AMOT: variants seen among roughly 807,000 people sequenced by gnomAD.
AMOT encodes angiomotin.
Under a neutral mutation model 67.0 loss-of-function variants are expected in AMOT, and 11 were observed. That is an observed-to-expected ratio of 0.16 (90% CI 0.10 to 0.27). AMOT has a LOEUF of 0.27. AMOT is among the 10% of genes least tolerant of loss of function. AMOT has a pLI of 1.00. For missense variants in AMOT, 753 were observed against 852.0 expected (o/e 0.88, Z 1.45); for synonymous variants, 326 against 321.4 (o/e 1.01, Z -0.15).
chrX:112,783,032 T>C (rs1933247302), intron 10 of AMOT, among the ~76,000 whole-genome samples: 1 of 111,150 alleles, frequency 9.0e-6, no homozygotes, highest in South Asian at 3.8e-4. Flanking sequence ...TGGTGGCTCA[T>C]GCCTGTAATC....
chrX:112,792,460 G>T (rs1339544727), intron 8 of AMOT, among the ~76,000 whole-genome samples: 1 of 112,505 alleles, frequency 8.9e-6, no homozygotes, highest in Admixed American at 9.4e-5. Flanking sequence ...TTATGTAGCT[G>T]TCTCTTCTCC....
intron 12 of AMOT, 151 bp downstream of exon 12, chrX:112,780,735 T>G: frequency 1.9e-6 from 1 of 519,179 alleles, no homozygotes; most frequent in Middle Eastern, 3.4e-4. Context: ...AATGTGGAAC[T>G]AGGGTCTCAG....
At chrX:112,811,533 T>C (rs752895326) in intron 5 of AMOT, 140 bp from the exon 6 acceptor site, 2 of 598,366 alleles carry the variant, frequency 3.3e-6, no homozygotes, top group Admixed American at 7.0e-5. Flanking sequence ...CACAGTCAGA[T>C]GACACAAGTT....
intron 1 of AMOT, among the ~76,000 whole-genome samples, chrX:112,835,281 C>A (rs1369769743): frequency 1.8e-5 from 2 of 111,556 alleles, no homozygotes; most frequent in African/African-American, 6.5e-5. Context: ...CAGATCCTGG[C>A]TTCAAGTCAC....
intron 4 of AMOT, among the ~76,000 whole-genome samples, chrX:112,818,627 G>A (rs1468822675): frequency 4.5e-5 from 5 of 111,794 alleles, no homozygotes; most frequent in Admixed American, 9.4e-5. Context: ...AAAGCAGGAC[G>A]GAATGAACAC....
At chrX:112,811,631 T>A (rs1332518745) in intron 5 of AMOT, among the ~76,000 whole-genome samples, 2 of 111,792 alleles carry the variant, frequency 1.8e-5, no homozygotes, top group Non-Finnish European at 3.8e-5. Flanking sequence ...AATAGACAAT[T>A]TCTGCCTTCA....
At chrX:112,780,692 A>T in intron 12 of AMOT, 194 bp downstream of exon 12, 2 of 442,913 alleles carry the variant, frequency 4.5e-6, no homozygotes, top group Non-Finnish European at 7.8e-6. Flanking sequence ...CGGTATTCTC[A>T]CCGGGAGACT....
chrX:112,815,215 A>G, intron 5 of AMOT, 143 bp downstream of exon 5: 1 of 804,206 alleles, frequency 1.2e-6, no homozygotes, highest in East Asian at 3.2e-5. Flanking sequence ...AGTTTGACTC[A>G]TATCTAACCT....
chrX:112,822,771 A>G lies in AMOT; in HGVS notation c.356T>C (p.Phe119Ser), dbSNP rs1157763216. The G allele has an allele frequency of 3.4e-6, 4 of 1,164,860 alleles. No individual in the cohort carries two copies. The highest frequency in any genetic ancestry group is 4.6e-6 in the Non-Finnish European group (4 of 872,589). The change falls in exon 4 of 14, where the codon TTT (phenylalanine) becomes TCT (serine). Residue 119 changes from phenylalanine (F) to serine (S), a missense_variant. Around this residue, in one of 5 missense-constraint regions of AMOT, gnomAD observed 118 missense variants for 125.9 expected, o/e 0.94. Transcript: ENST00000371959. ...AACACTGGCATGCTGTTGGCCCCGA[A>G]AGTACTGGGACTGGACCTTGGCTTC... is the stretch of plus-strand genomic sequence containing the variant. ...YEEAKVQSQY[F>S]RGQQHASVGA... is the part of the protein sequence containing the mutation.
rs575390682 is a variant in AMOT, at chrX:112,795,248, C to CTGTGTG, written c.1777-3273_1777-3268dup. Among the ~76,000 whole-genome samples the CTGTGTG allele has an allele frequency of 9.1e-3, 948 of 104,171 alleles. 10 individuals are homozygous for CTGTGTG. The highest frequency in any genetic ancestry group is 0.03 in the African/African-American group (859 of 28,280). 90.5% of individuals were successfully genotyped at this position (104,171 alleles called of 115,157 possible). A position where few individuals can be genotyped will look rare whatever the true frequency, so the allele number is the denominator to read the frequency against. On this transcript the variant is annotated intron_variant, in intron 8 of 13. Coordinates refer to ENST00000371959, the MANE Select transcript of AMOT (RefSeq NM_001113490.2). Reference sequence around the variant, plus strand: ...CTTCCCTCTTTCTCTGTCTCTCTCTCTGTGTGTGTGTGTGTGTGTGTGTGT... The same window carrying CTGTGTG: ...CTTCCCTCTTTCTCTGTCTCTCTCTCTGTGTGTGTGTGTGTGTGTGTGTGTGTGTGT...
chrX:112,827,867 T>A (rs1934883884), intron 2 of AMOT, among the ~76,000 whole-genome samples: 1 of 111,844 alleles, frequency 8.9e-6, no homozygotes, highest in Non-Finnish European at 1.9e-5. Flanking sequence ...CCCTCCCACA[T>A]TCTGCCCCTA....
At chrX:112,833,916 G>A (rs1357505708) in intron 1 of AMOT, among the ~76,000 whole-genome samples, 1 of 112,275 alleles carries the variant, frequency 8.9e-6, no homozygotes, top group Non-Finnish European at 1.9e-5. Context: ...GCAAATACAT[G>A]CCCCTTGAAA....
chrX:112,786,958 C>T (rs1933381236), intron 10 of AMOT, among the ~76,000 whole-genome samples: 1 of 111,976 alleles, frequency 8.9e-6, no homozygotes, highest in Admixed American at 9.5e-5. Flanking sequence ...TTCACCTAAA[C>T]ATACAGCTGA....
intron 8 of AMOT, among the ~76,000 whole-genome samples, chrX:112,793,841 G>A (rs966645772): frequency 9.0e-6 from 1 of 111,668 alleles, no homozygotes; most frequent in African/African-American, 3.3e-5. Context: ...TTTCTTCCCC[G>A]GGATTTGTGG....
chrX:112,779,130 C>CACAGTT lies in AMOT; in HGVS notation c.3023_3024insAACTGT (p.Pro1008_Ala1009insThrVal), dbSNP rs1933021706. 2.7e-6 allele frequency: 3 copies of CACAGTT among 1,098,042 alleles called. No individual in the cohort carries two copies. Among genetic ancestry groups the CACAGTT allele is most frequent in the Non-Finnish European group, 2.5e-6 (2 of 791,765 alleles). 90.5% of individuals were successfully genotyped at this position (1,098,042 alleles called of 1,213,427 possible). A position where few individuals can be genotyped will look rare whatever the true frequency, so the allele number is the denominator to read the frequency against. On this transcript the variant is annotated inframe_insertion, in exon 13 of 14. Coordinates refer to ENST00000371959, the MANE Select transcript of AMOT (RefSeq NM_001113490.2). Reference sequence around the variant, plus strand: ...TTGGAGCTGGAGTTGGAGCCACAGCCGGAGCTGAAGTTGGTGCCTGAGTCT... The same window carrying CACAGTT: ...TTGGAGCTGGAGTTGGAGCCACAGCCACAGTTGGAGCTGAAGTTGGTGCCTGAGTCT...
chrX:112,805,298 T>C (rs1314062271), intron 7 of AMOT, among the ~76,000 whole-genome samples: 2 of 109,592 alleles, frequency 1.8e-5, no homozygotes, highest in Non-Finnish European at 3.8e-5. Flanking sequence ...AACAACTTAA[T>C]GGTTGTTGAG....
At position 112,805,052 on chromosome X, in the gene AMOT, C is replaced by G; in HGVS notation, c.1671G>C (p.Glu557Asp). 1 of 1,211,854 alleles carries G rather than the reference C, an allele frequency of 8.3e-7. No homozygotes were observed. The highest frequency in any genetic ancestry group is 1.1e-6 in the Non-Finnish European group (1 of 895,535). ...CATTGGTAGAACGGGCAGTGGCCAG[C>G]TCCGCTTCCAGCTTCTCCTTCTCAC... ...SQREKEKLEAELATARSTNED... is the reference protein window; with the variant it reads ...SQREKEKLEADLATARSTNED... The change falls in exon 8 of 14, where the codon GAG becomes GAC. Residue 557 changes from glutamate to aspartate, a missense_variant. By Grantham distance (45) the Glu-to-Asp change is conservative (BLOSUM62 2). Transcript: ENST00000371959.
intron 6 of AMOT, 133 bp downstream of exon 6, chrX:112,811,116 T>C (rs1262546407): frequency 5.9e-6 from 5 of 847,060 alleles, no homozygotes; most frequent in Non-Finnish European, 8.3e-6. Context: ...GCCTGGCACA[T>C]GCCCAGCCAT....
At position 112,824,567 on chromosome X, in the gene AMOT, C is replaced by T. The variant is rs147844016; in HGVS notation, c.-63+505G>A. On this transcript the variant is annotated intron_variant, in intron 3 of 13. Transcript: ENST00000371959. ...AAAGTTCATCTTCTCTCTTTCTTCA[C>T]GTCTTGTTGGTTACTGCTACCTGGC... is the stretch of plus-strand genomic sequence containing the variant. Among the ~76,000 whole-genome samples, 14 of 111,340 alleles carry T rather than the reference C, an allele frequency of 1.3e-4. No individual in the cohort carries two copies. The East Asian group carries it at 3.7e-3, about 30-fold the overall frequency.
Sources: allele counts gnomAD v4.1 joint callset (sites outside exome capture counted in the v4.1 genomes callset), GRCh38; gene constraint gnomAD v4.1.1; regional missense constraint gnomAD v4.1.1; transcripts MANE v1.5; gene names NCBI Gene and HGNC (gene_info 2026-07-23, HGNC 2026-07-21).